PLA2G5: variants seen among roughly 807,000 people sequenced by gnomAD.
PLA2G5 encodes phospholipase A2 group V.
A neutral mutation model predicts 15.9 loss-of-function variants in PLA2G5; 12 were observed. That is an observed-to-expected ratio of 0.76 (90% CI 0.48 to 1.23). The LOEUF is 1.23. Ranked by LOEUF, PLA2G5 falls within the 50% of genes most tolerant of loss-of-function variation. The pLI, the probability that PLA2G5 is intolerant of heterozygous loss-of-function variation, is 0.00. For missense variants in PLA2G5, 169 were observed against 177.1 expected (o/e 0.95, Z 0.26); for synonymous variants, 71 against 71.4 (o/e 0.99, Z 0.03).
chr1:20,034,549 T>A (rs1557721729), intron 1 of PLA2G5, among the ~76,000 whole-genome samples: 1 of 151,950 alleles, frequency 6.6e-6, no homozygotes, highest in Non-Finnish European at 1.5e-5. Flanking sequence ...GATAGGAGTG[T>A]TGTGGGGAGA....
intron 1 of PLA2G5, among the ~76,000 whole-genome samples, chr1:20,040,126 A>G (rs1431575650): frequency 2.0e-5 from 3 of 152,218 alleles, no homozygotes; most frequent in Non-Finnish European, 2.9e-5. Context: ...ACACTGTTCA[A>G]TGTGTTCCTT....
chr1:20,067,899 T>A (rs1460505488), upstream of PLA2G5, among the ~76,000 whole-genome samples: 1 of 152,076 alleles, frequency 6.6e-6, no homozygotes, highest in Admixed American at 6.6e-5. Flanking sequence ...CAGGCGGATC[T>A]CCTGAGGTAA....
chr1:20,047,207 G>A (rs1461161470), intron 1 of PLA2G5, among the ~76,000 whole-genome samples: 1 of 152,198 alleles, frequency 6.6e-6, no homozygotes, highest in African/African-American at 2.4e-5. Context: ...CCTCTCTGAA[G>A]TCCTAGACCT....
At chr1:20,054,852 G>T (rs528726132) in intron 1 of PLA2G5, 1 of 152,138 alleles carries the variant, frequency 6.6e-6, no homozygotes, top group African/African-American at 2.4e-5. Flanking sequence ...AAGTGCATAC[G>T]TAGTTTTGTT....
intron 1 of PLA2G5, among the ~76,000 whole-genome samples, chr1:20,049,530 G>A (rs923344534): frequency 1.3e-5 from 2 of 152,150 alleles, no homozygotes; most frequent in African/African-American, 4.8e-5. Context: ...GAAGGACACA[G>A]TGGGAGGTTA....
intron 1 of PLA2G5, among the ~76,000 whole-genome samples, chr1:20,073,843 C>A (rs1261248445): frequency 3.3e-5 from 5 of 151,958 alleles, no homozygotes; most frequent in African/African-American, 1.2e-4. Context: ...GCACTCCAGC[C>A]TGGGCGACAG....
At chr1:20,076,733 C>G (rs1219775755) in intron 1 of PLA2G5, 2 of 152,238 alleles carry the variant, frequency 1.3e-5, no homozygotes, top group Non-Finnish European at 2.9e-5. Context: ...CCTTTCTGAG[C>G]CATCAGCCTT....
chr1:20,086,376 C>A, intron 3 of PLA2G5, 149 bp downstream of exon 3: 1 of 918,440 alleles, frequency 1.1e-6, no homozygotes, highest in Non-Finnish European at 1.6e-6. Context: ...CTGGCAATCC[C>A]AAGATCTCAG....
At chr1:20,030,715 C>T (rs533246487) in intron 1 of PLA2G5, among the ~76,000 whole-genome samples, 31 of 152,220 alleles carry the variant, frequency 2.0e-4, no homozygotes, top group East Asian at 7.7e-4. Flanking sequence ...GAGGTCCCTG[C>T]GGCCTTCTGC....
rs2016554997 is a variant in PLA2G5 at position 20,091,406 on chromosome 1, T to C, written c.*714T>C. On this transcript the variant is annotated 3_prime_UTR_variant, in exon 5 of 5. Transcript: ENST00000375108. ...GGGGTCAGGGAAAGATAACTGGTGA[T>C]TATGCCAGCTTCAGCTTCCAGGCCA... is the stretch of plus-strand genomic sequence containing the variant. 6.6e-6 allele frequency among the ~76,000 whole-genome samples: 1 copy of C among 152,196 alleles called. No homozygotes were observed. The highest frequency in any genetic ancestry group is 2.4e-5 in the African/African-American group (1 of 41,448).
At chr1:20,072,281 T>A (rs931587806) in intron 1 of PLA2G5, among the ~76,000 whole-genome samples, 2 of 152,190 alleles carry the variant, frequency 1.3e-5, no homozygotes, top group African/African-American at 4.8e-5. Context: ...GGCTTCTCCC[T>A]CCAGAATGCA....
chr1:20,075,967 G>T (rs1230154372), intron 1 of PLA2G5, among the ~76,000 whole-genome samples: 4 of 151,092 alleles, frequency 2.6e-5, no homozygotes, highest in Admixed American at 2.6e-4. Context: ...CGCCTTCCGG[G>T]TTCAAGCGAT....
At chr1:20,074,218 C>G (rs889841101) in intron 1 of PLA2G5, among the ~76,000 whole-genome samples, 1 of 152,130 alleles carries the variant, frequency 6.6e-6, no homozygotes, top group African/African-American at 2.4e-5. Flanking sequence ...TAAGTCAATT[C>G]GAGAGCACAG....
chr1:20,089,298 C>T (rs146585475), intron 3 of PLA2G5, among the ~76,000 whole-genome samples: 2 of 152,184 alleles, frequency 1.3e-5, no homozygotes, highest in African/African-American at 4.8e-5. Flanking sequence ...ACCTGTGATA[C>T]GAGAAGTTTA....
At chr1:20,074,626 G>A (rs1316633995) in intron 1 of PLA2G5, among the ~76,000 whole-genome samples, 3 of 152,070 alleles carry the variant, frequency 2.0e-5, no homozygotes, top group East Asian at 1.9e-4. Context: ...CCTCCCATGC[G>A]ACATTTCTTT....
At position 20,091,488 on chromosome 1, in the gene PLA2G5, C is replaced by A. The variant is rs534397; in HGVS notation, c.*796C>A. Among the ~76,000 whole-genome samples, 2 of 152,128 alleles carry A rather than the reference C, an allele frequency of 1.3e-5. No homozygotes were observed. Among genetic ancestry groups the A allele is most frequent in the African/African-American group, 4.8e-5 (2 of 41,412 alleles). On this transcript the variant is annotated 3_prime_UTR_variant, in exon 5 of 5. Transcript: ENST00000375108. ...TTCTTCAGCTGTGTGGTCTTGGACC[C>A]GTTACTGAACCTCTTTGACTTTCAG...
intron 1 of PLA2G5, chr1:20,076,873 G>A (rs551894000): frequency 6.6e-6 from 1 of 152,396 alleles, no homozygotes; most frequent in African/African-American, 2.4e-5. Flanking sequence ...AGGACTTGAT[G>A]TAGATTTTCT....
intron 1 of PLA2G5, among the ~76,000 whole-genome samples, chr1:20,054,400 T>C (rs1033867824): frequency 1.3e-5 from 2 of 152,200 alleles, no homozygotes; most frequent in African/African-American, 4.8e-5. Context: ...CTGAAATTCT[T>C]TTGCATAAAT....
intron 1 of PLA2G5, among the ~76,000 whole-genome samples, chr1:20,044,654 A>G (rs2013797927): frequency 6.6e-6 from 1 of 152,104 alleles, no homozygotes; most frequent in Non-Finnish European, 1.5e-5. Flanking sequence ...TTTAAGAGGA[A>G]ATTGTTGGGC....
Sources: allele counts gnomAD v4.1 joint callset (sites outside exome capture counted in the v4.1 genomes callset), GRCh38; gene constraint gnomAD v4.1.1; transcripts MANE v1.5; gene names NCBI Gene and HGNC (gene_info 2026-07-23, HGNC 2026-07-21).